The following GCNT2 variants were observed in gnomAD, a reference collection of about 807,000 sequenced individuals.
GCNT2 encodes N-acetyllactosaminide beta-1,6-N-acetylglucosaminyl-transferase.
In GCNT2, 34 loss-of-function variants were observed where a neutral mutation model predicts 34.2. The observed-to-expected ratio is 1.00, with a 90% CI of 0.76 to 1.32. GCNT2 has a LOEUF of 1.32. Ranked by LOEUF, GCNT2 falls within the 40% of genes most tolerant of loss-of-function variation. The pLI, the probability that GCNT2 is intolerant of heterozygous loss-of-function variation, is 0.00. For missense variants in GCNT2, 584 were observed against 489.4 expected (o/e 1.19, Z -1.82); for synonymous variants, 212 against 188.0 (o/e 1.13, Z -1.04).
intron 3 of GCNT2, among the ~76,000 whole-genome samples, chr6:10,590,149 A>G (rs1003234856): frequency 1.6e-4 from 25 of 152,200 alleles, no homozygotes; most frequent in Admixed American, 1.1e-3. Flanking sequence ...CATAATTCCA[A>G]TACTTTGGGA....
At chr6:10,611,290 C>T (rs1765541693) in intron 3 of GCNT2, among the ~76,000 whole-genome samples, 1 of 134,738 alleles carries the variant, frequency 7.4e-6, no homozygotes, top group Non-Finnish European at 1.6e-5. Flanking sequence ...TCAATTGAAC[C>T]AGTACTGGGT....
chr6:10,608,457 C>T (rs1356115540), intron 3 of GCNT2, among the ~76,000 whole-genome samples: 2 of 152,130 alleles, frequency 1.3e-5, no homozygotes, highest in South Asian at 2.1e-4. Flanking sequence ...CTCCCACTTG[C>T]GGGTTTGAGG....
At chr6:10,624,067 A>G (rs1333585878) in intron 4 of GCNT2, among the ~76,000 whole-genome samples, 1 of 152,104 alleles carries the variant, frequency 6.6e-6, no homozygotes, top group African/African-American at 2.4e-5. Flanking sequence ...TCTTAAGACA[A>G]ACCCACCATT....
chr6:10,619,907 C>T (rs1010098294), intron 3 of GCNT2, among the ~76,000 whole-genome samples: 3 of 152,188 alleles, frequency 2.0e-5, no homozygotes, highest in African/African-American at 7.2e-5. Context: ...GCTTCTTCCC[C>T]CATCTTCAAA....
At chr6:10,556,285 G>A in intron 3 of GCNT2, 2 of 1,511,712 alleles carry the variant, frequency 1.3e-6, no homozygotes, top group Non-Finnish European at 1.8e-6. Flanking sequence ...GGGATGAAAC[G>A]GAATCGATTC....
In GCNT2 at chr6:10,611,978, G is replaced by GT. The variant is rs377351513; in HGVS notation, c.926-9363dup. ...TTTCATATTCTGGTGTTTTTGTGGG[G>GT]TTTTTTTTTTGTTTGCTTGTTTTTT... On this transcript the variant is annotated intron_variant, in intron 3 of 4. Coordinates refer to ENST00000495262, the MANE Select transcript of GCNT2 (RefSeq NM_145649.5). Among the ~76,000 whole-genome samples, 299 of 147,498 alleles carry GT rather than the reference G, an allele frequency of 2.0e-3. 1 individual carries two copies. Among genetic ancestry groups the GT allele is most frequent in the South Asian group, 3.9e-3 (18 of 4,596 alleles).
In GCNT2 at chr6:10,574,413, T is replaced by C. The variant is rs1331739506; in HGVS notation, c.925+44577T>C. On this transcript the variant is annotated intron_variant, in intron 3 of 4. Transcript: ENST00000495262. ...AACTGAGGCTATGAGTGTAAATTAC[T>C]TGCCTACATTCTCTACAAATCCACC... is the stretch of plus-strand genomic sequence containing the variant. Among the ~76,000 whole-genome samples the C allele has an allele frequency of 1.3e-5, 2 of 152,212 alleles. 1 individual carries two copies. Among genetic ancestry groups the C allele is most frequent in the South Asian group, 4.1e-4 (2 of 4,830 alleles).
Position 10,625,212 on chromosome 6 carries a change from C to T in GCNT2, c.1019-1205C>T, listed in dbSNP as rs1766206026. Among the ~76,000 whole-genome samples the T allele has an allele frequency of 2.6e-5, 4 of 152,184 alleles. 1 individual carries two copies. The highest frequency in any genetic ancestry group is 2.6e-4 in the Admixed American group (4 of 15,274). The stretch of plus-strand genomic sequence containing the variant: ...AGACATTAACTTTGAACAAGCTCTC[C>T]AGTTTGTGTTATTACTGCAGCCTCT... On this transcript the variant is annotated intron_variant, in intron 4 of 4. Transcript: ENST00000495262.
intron 3 of GCNT2, chr6:10,573,404 AC>A: frequency 1.9e-6 from 1 of 529,854 alleles, no homozygotes; most frequent in Non-Finnish European, 2.4e-6. Flanking sequence ...GGCAGTTAAC[AC>A]CAGAAGGGAA....
chr6:10,576,532 A>G (rs1763820819), intron 3 of GCNT2, among the ~76,000 whole-genome samples: 1 of 152,190 alleles, frequency 6.6e-6, no homozygotes, highest in South Asian at 2.1e-4. Flanking sequence ...TTAAAAAAAC[A>G]AAAATCTATT....
At chr6:10,546,081 A>ACTG (rs1446734217) in intron 3 of GCNT2, among the ~76,000 whole-genome samples, 3 of 152,158 alleles carry the variant, frequency 2.0e-5, no homozygotes, top group Non-Finnish European at 4.4e-5. Context: ...TTTATGCCTC[A>ACTG]CTGCTGAGCT....
rs1764337112 is a variant in GCNT2 at position 10,586,241 on chromosome 6, C to T, written c.926-35110C>T. On this transcript the variant is annotated intron_variant, in intron 3 of 4. Coordinates refer to ENST00000495262, the MANE Select transcript of GCNT2 (RefSeq NM_145649.5). ...ATTACCTGACCCAGAATCACTACATCACAAGTCCCCTGTCGGAAGAAGAGG... is the reference window on the plus strand; with the variant it reads ...ATTACCTGACCCAGAATCACTACATTACAAGTCCCCTGTCGGAAGAAGAGG... 4 of 1,614,166 alleles carry T rather than the reference C, an allele frequency of 2.5e-6. No homozygotes were observed. The African/African-American group carries it at 5.3e-5, about 22-fold the overall frequency.
chr6:10,550,994 C>T (rs1762456505), intron 3 of GCNT2, among the ~76,000 whole-genome samples: 2 of 152,192 alleles, frequency 1.3e-5, no homozygotes, highest in Non-Finnish European at 2.9e-5. Flanking sequence ...ATTAATGAGT[C>T]AGTCACCCTC....
At chr6:10,585,763 G>A in intron 3 of GCNT2, 1 of 1,416,838 alleles carries the variant, frequency 7.1e-7, no homozygotes, top group Non-Finnish European at 9.2e-7. Context: ...GGGAACTGCA[G>A]ACCAAAGTGA....
chr6:10,524,866 GAA>G (rs1761113397), intron 1 of GCNT2, among the ~76,000 whole-genome samples: 1 of 146,766 alleles, frequency 6.8e-6, no homozygotes, highest in African/African-American at 2.5e-5. Flanking sequence ...AGAAAGAAAA[GAA>G]AAAGGACAAA....
intron 3 of GCNT2, among the ~76,000 whole-genome samples, chr6:10,606,633 C>T (rs554927302): frequency 1.6e-5 from 2 of 127,398 alleles, no homozygotes; most frequent in East Asian, 2.6e-4. Context: ...TGGAAATTTC[C>T]ATTAAAGAAA....
At chr6:10,606,251 G>A (rs1325630135) in intron 3 of GCNT2, among the ~76,000 whole-genome samples, 2 of 152,212 alleles carry the variant, frequency 1.3e-5, no homozygotes, top group Non-Finnish European at 1.5e-5. Context: ...GGAGGCAGAG[G>A]TTGCAGTGAG....
chr6:10,627,494 G>A lies in GCNT2; in HGVS notation c.*887G>A, dbSNP rs542118271. On this transcript the variant is annotated 3_prime_UTR_variant, in exon 5 of 5. Coordinates refer to ENST00000495262, the MANE Select transcript of GCNT2 (RefSeq NM_145649.5). ...ATTCTATCCTGTGAGGCTTTTAATT[G>A]CACCATAGTATGCTCTGAGTAGCTT... The A allele has an allele frequency of 8.5e-5, 13 of 152,250 alleles. No individual in the cohort carries two copies. The highest frequency in any genetic ancestry group is 1.9e-4 in the African/African-American group (8 of 41,540). 9.4% of individuals were successfully genotyped at this position (152,250 alleles called of 1,614,324 possible).
At chr6:10,622,065 A>G (rs890808932) in intron 4 of GCNT2, among the ~76,000 whole-genome samples, 4 of 152,074 alleles carry the variant, frequency 2.6e-5, no homozygotes, top group Admixed American at 2.6e-4. Flanking sequence ...TGGCTTGGAG[A>G]GCTGTCGGGG....
Sources: allele counts gnomAD v4.1 joint callset (sites outside exome capture counted in the v4.1 genomes callset), GRCh38; gene constraint gnomAD v4.1.1; transcripts MANE v1.5; gene names NCBI Gene and HGNC (gene_info 2026-07-23, HGNC 2026-07-21).